Variants in ADGRD1 observed in about 807,000 individuals in gnomAD.
ADGRD1 encodes the protein adhesion G protein-coupled receptor D1, also known as G-protein coupled receptor 133.
A neutral mutation model predicts 113.4 loss-of-function variants in ADGRD1; 77 were observed. The observed-to-expected ratio is 0.68, with a 90% confidence interval of 0.57 to 0.82. The LOEUF is 0.82. ADGRD1 is among the 40% of genes least tolerant of loss of function. The probability of loss-of-function intolerance (pLI) is 0.00; values close to 1 mark genes in which losing one functional copy is unlikely to be tolerated. For missense variants in ADGRD1, 1,036 were observed against 1,139.1 expected (o/e 0.91, Z 1.30); for synonymous variants, 474 against 475.0 (o/e 1.00, Z 0.03).
chr12:131,136,174 C>T lies in ADGRD1; in HGVS notation c.2394+11C>T, dbSNP rs759782282. 9.9e-6 allele frequency: 16 copies of T among 1,613,004 alleles called. No individual in the cohort carries two copies. Among genetic ancestry groups the T allele is most frequent in the South Asian group, 8.8e-5 (8 of 90,958 alleles). On this transcript the variant is annotated intron_variant, in intron 22 of 24. Transcript: ENST00000261654. ...CTCAACTCCCTGCAGGTGAGAGCCG[C>T]GGGGACTGGCGGGGAGGCAGGGCCG...
At chr12:131,013,651 G>T (rs1482061008) in intron 12 of ADGRD1, among the ~76,000 whole-genome samples, 1 of 152,200 alleles carries the variant, frequency 6.6e-6, no homozygotes, top group Non-Finnish European at 1.5e-5. Context: ...CGGGGAAGGG[G>T]ATGGCCACCT....
chr12:131,076,083 G>A (rs1885581674), intron 13 of ADGRD1, among the ~76,000 whole-genome samples: 1 of 152,208 alleles, frequency 6.6e-6, no homozygotes, highest in Non-Finnish European at 1.5e-5. Context: ...GCACCCAGGA[G>A]CAGCCCAGGA....
chr12:131,127,364 A>T (rs1950763561), intron 20 of ADGRD1, among the ~76,000 whole-genome samples: 1 of 152,262 alleles, frequency 6.6e-6, no homozygotes, highest in Non-Finnish European at 1.5e-5. Context: ...GGGAACAGTC[A>T]TGTGTGCATC....
At chr12:130,957,204 C>T (rs1480934784) in intron 2 of ADGRD1, 1 of 152,378 alleles carries the variant, frequency 6.6e-6, no homozygotes, top group Non-Finnish European at 1.5e-5. Flanking sequence ...TCACACATGT[C>T]CACACATATC....
Position 131,003,170 on chromosome 12 carries a change from C to T in ADGRD1, c.1027-15C>T. On this transcript the variant is annotated splice_polypyrimidine_tract_variant and intron_variant, in intron 9 of 24. Transcript: ENST00000261654. The surrounding 1 kb of genome is among the most constrained non-coding windows in gnomAD (Gnocchi z 4.8). Reference sequence around the variant, plus strand: ...GGGTGGATTTTCATGGCTCCTGGTGCTTGTGTTGCTGCAGGACAGCGCCGT... The same window carrying T: ...GGGTGGATTTTCATGGCTCCTGGTGTTTGTGTTGCTGCAGGACAGCGCCGT... 2 of 1,593,984 alleles carry T rather than the reference C, an allele frequency of 1.3e-6. No homozygotes were observed. Among genetic ancestry groups the T allele is most frequent in the Non-Finnish European group, 1.7e-6 (2 of 1,161,886 alleles).
chr12:131,043,990 C>A (rs1882411578), intron 13 of ADGRD1, among the ~76,000 whole-genome samples: 1 of 152,146 alleles, frequency 6.6e-6, no homozygotes, highest in African/African-American at 2.4e-5. Flanking sequence ...ACTAGAGGTT[C>A]CCTGGTTCTA....
At chr12:131,021,638 G>A (rs1879333215) in intron 13 of ADGRD1, among the ~76,000 whole-genome samples, 2 of 152,088 alleles carry the variant, frequency 1.3e-5, no homozygotes, top group Admixed American at 6.6e-5. Context: ...CTCTCTCCTC[G>A]GCTTGCAGAC....
In ADGRD1 at chr12:131,075,450, T is replaced by C. The variant is rs1366206671; in HGVS notation, c.1474-1351T>C. Among the ~76,000 whole-genome samples, 1 of 152,122 alleles carries C rather than the reference T, an allele frequency of 6.6e-6. No homozygotes were observed. Among genetic ancestry groups the C allele is most frequent in the Non-Finnish European group, 1.5e-5 (1 of 68,030 alleles). ...GGCTTTGGGAAGACAGAGGAGAAGA[T>C]GTCTTTTCCAGGCGGTTTTAAGAGA... On this transcript the variant is annotated intron_variant, in intron 13 of 24. Coordinates refer to ENST00000261654, the MANE Select transcript of ADGRD1 (RefSeq NM_198827.5). The surrounding 1 kb of genome is among the most constrained non-coding windows in gnomAD (Gnocchi z 5.3).
intron 13 of ADGRD1, among the ~76,000 whole-genome samples, chr12:131,064,711 A>G (rs1414452462): frequency 1.3e-5 from 2 of 152,264 alleles, no homozygotes; most frequent in East Asian, 1.9e-4. Context: ...CATATCTTCT[A>G]TAGAAAAGAC....
At chr12:130,957,501 C>T (rs576821793) in intron 2 of ADGRD1, 1 of 152,492 alleles carries the variant, frequency 6.6e-6, no homozygotes, top group Non-Finnish European at 1.5e-5. Flanking sequence ...CACACACCCT[C>T]ACACATTCAC....
intron 13 of ADGRD1, among the ~76,000 whole-genome samples, chr12:131,062,416 C>T (rs899784082): frequency 6.6e-6 from 1 of 152,202 alleles, no homozygotes; most frequent in African/African-American, 2.4e-5. Flanking sequence ...CATAAGTTTA[C>T]GTTTCTGTGA....
intron 8 of ADGRD1, among the ~76,000 whole-genome samples, chr12:130,995,973 A>G (rs1875254679): frequency 6.6e-6 from 1 of 151,922 alleles, no homozygotes; most frequent in African/African-American, 2.4e-5. Flanking sequence ...GGGAGTGGTG[A>G]TGACTCTTAA....
intron 11 of ADGRD1, 26 bp downstream of exon 11, chr12:131,004,322 T>G (rs767256228): frequency 2.0e-6 from 3 of 1,489,650 alleles, no homozygotes; most frequent in Non-Finnish European, 2.8e-6. Context: ...CTGGACTCCC[T>G]TCCGGGGCGG....
At chr12:130,986,936 GGAA>G in intron 5 of ADGRD1, 156 bp from the exon 6 acceptor site, 1 of 622,606 alleles carries the variant, frequency 1.6e-6, no homozygotes. Context: ...AAAGGACTGG[GGAA>G]AGTCAGGTCT....
At chr12:131,122,639 G>A (rs55680736) in intron 20 of ADGRD1, among the ~76,000 whole-genome samples, 2 of 151,884 alleles carry the variant, frequency 1.3e-5, no homozygotes, top group African/African-American at 4.9e-5. Flanking sequence ...TAGTGACAGA[G>A]GGTGGGAAGG....
intron 13 of ADGRD1, among the ~76,000 whole-genome samples, chr12:131,048,119 A>G (rs774631040): frequency 2.6e-5 from 4 of 152,178 alleles, no homozygotes; most frequent in Non-Finnish European, 5.9e-5. Flanking sequence ...AAACAGGGAG[A>G]GCAGATGCTT....
Position 131,046,203 on chromosome 12 carries a change from C to CCCTGGTCAGTGT in ADGRD1, c.1474-30595_1474-30594insGGTCAGTGTCCT, listed in dbSNP as rs1882720729. ...CAATGCTCCCTCCCTGGTCAGTGCTCCCTCCCTGGTCAGTGTCCTCCCTGG... is the reference window on the plus strand; with the variant it reads ...CAATGCTCCCTCCCTGGTCAGTGCTCCCTGGTCAGTGTCCTCCCTGGTCAGTGTCCTCCCTGG... On this transcript the variant is annotated intron_variant, in intron 13 of 24. Transcript: ENST00000261654. 3.5e-4 allele frequency among the ~76,000 whole-genome samples: 3 copies of CCCTGGTCAGTGT among 8,554 alleles called. 1 individual carries two copies. Among genetic ancestry groups the CCCTGGTCAGTGT allele is most frequent in the Non-Finnish European group, 7.4e-4 (2 of 2,690 alleles). 5.6% of individuals were successfully genotyped at this position (8,554 alleles called of 152,430 possible).
chr12:131,139,057 G>A lies in ADGRD1; in HGVS notation c.2530-111G>A, dbSNP rs539034770. 3.9e-5 allele frequency: 30 copies of A among 764,410 alleles called. No individual in the cohort carries two copies. In the Middle Eastern group the frequency reaches 7.1e-4, roughly 18 times the overall value. The allele number at this position is 764,410 out of a possible 1,614,324, so 47.4% of individuals were successfully genotyped here. A position where few individuals can be genotyped will look rare whatever the true frequency, so the allele number is the denominator to read the frequency against. On this transcript the variant is annotated intron_variant, in intron 24 of 24. Coordinates refer to ENST00000261654, the MANE Select transcript of ADGRD1 (RefSeq NM_198827.5). ...CCCTTCTCTCTGCACCTTTCCTCCCGCAGGGAGAATCCTCGGGCAGCTATG... is the reference window on the plus strand; with the variant it reads ...CCCTTCTCTCTGCACCTTTCCTCCCACAGGGAGAATCCTCGGGCAGCTATG...
chr12:131,098,830 G>C (rs1218653179), intron 15 of ADGRD1, among the ~76,000 whole-genome samples: 1 of 152,192 alleles, frequency 6.6e-6, no homozygotes, highest in African/African-American at 2.4e-5. Flanking sequence ...TGAGACTTCC[G>C]TGCATGGTGC....
Sources: gnomAD v4.1 joint callset for allele counts (sites outside exome capture counted in the v4.1 genomes callset) on GRCh38, gnomAD v4.1.1 for gene constraint, Gnocchi (gnomAD v3.1) non-coding constraint, MANE v1.5 for transcripts, NCBI Gene and HGNC (gene_info 2026-07-23, HGNC 2026-07-21) for gene names.